Variants in PCDHA6 observed in about 807,000 individuals in gnomAD.
PCDHA6 encodes the protein protocadherin alpha 6.
PCDHA6 carries 55 observed loss-of-function variants against 60.3 expected under a neutral mutation model. That is an observed-to-expected ratio of 0.91 (90% confidence interval 0.73 to 1.14). The LOEUF (loss-of-function observed/expected upper bound fraction) is 1.14. Ranked by LOEUF, PCDHA6 falls within the 50% of genes most tolerant of loss-of-function variation. The pLI is 0.00. For missense variants in PCDHA6, 1,327 were observed against 1,256.5 expected, an observed-to-expected ratio of 1.06 and a Z score of -0.85; for synonymous variants, 652 against 557.9, an observed-to-expected ratio of 1.17 and a Z score of -2.38.
chr5:140,869,476 G>C (rs530490517), intron 1 of PCDHA6: 71 of 1,614,076 alleles, frequency 4.4e-5, no homozygotes, highest in Non-Finnish European at 5.9e-5. Context: ...GGAGGTGAAG[G>C]ACATTAACGA....
At chr5:140,852,794 G>A (rs2042475674) in intron 1 of PCDHA6, 1 of 976,830 alleles carries the variant, frequency 1.0e-6, no homozygotes, top group South Asian at 4.8e-5. Flanking sequence ...GGATGCTACA[G>A]ATGTCATTTG....
At chr5:140,884,205 G>T (rs1554181325) in intron 1 of PCDHA6, 3 of 1,613,490 alleles carry the variant, frequency 1.9e-6, no homozygotes, top group East Asian at 4.5e-5. Context: ...CCGCACCACC[G>T]CCTTCTGGTG....
rs2150382245 is a variant in PCDHA6, at chr5:140,845,891, G to A, written c.2394+15406G>A. On this transcript the variant is annotated intron_variant, in intron 1 of 3. Coordinates refer to ENST00000529310, the MANE Select transcript of PCDHA6 (RefSeq NM_018909.4). ...AGGCAACCTAAAATGTCAGAAAGTC[G>A]TTATGGCCTTCCATATTAATCTTAT... 6.7e-5 allele frequency among the ~76,000 whole-genome samples: 10 copies of A among 149,728 alleles called. 1 individual carries two copies. Among genetic ancestry groups the A allele is most frequent in the East Asian group, 3.9e-4 (2 of 5,176 alleles).
rs781889029 is a variant in PCDHA6 at position 140,870,331 on chromosome 5, AGCGCCCTGGACC to A, written c.2394+39850_2394+39861del. The A allele has an allele frequency of 4.3e-6, 7 of 1,614,160 alleles. No homozygotes were observed. The South Asian group carries it at 7.7e-5, about 18-fold the overall frequency. Reference sequence around the variant, plus strand: ...GAATTACTACTCGTTGGTGCTGGACAGCGCCCTGGACCGCGAGAACGTGTGGGCCTATGAACT... The same window carrying A: ...GAATTACTACTCGTTGGTGCTGGACAGCGAGAACGTGTGGGCCTATGAACT... On this transcript the variant is annotated intron_variant, in intron 1 of 3. Coordinates refer to ENST00000529310, the MANE Select transcript of PCDHA6 (RefSeq NM_018909.4).
chr5:140,863,443 C>A (rs1389927128), intron 1 of PCDHA6: 2 of 591,510 alleles, frequency 3.4e-6, no homozygotes, highest in Non-Finnish European at 3.2e-6. Flanking sequence ...TGGTCTTACT[C>A]GCAGCAAAGG....
At chr5:141,005,967 A>ACAATTC (rs1554260442) in intron 3 of PCDHA6, among the ~76,000 whole-genome samples, 1 of 152,062 alleles carries the variant, frequency 6.6e-6, no homozygotes, top group Non-Finnish European at 1.5e-5. Flanking sequence ...CAATAAAAAA[A>ACAATTC]CAATTCCAAA....
chr5:140,851,095 T>C, intron 1 of PCDHA6: 1 of 1,289,772 alleles, frequency 7.8e-7, no homozygotes, highest in East Asian at 2.7e-5. Context: ...TAAATAGATA[T>C]TTTTTGGGTG....
At chr5:140,873,454 T>C (rs1251903132) in intron 1 of PCDHA6, among the ~76,000 whole-genome samples, 1 of 152,170 alleles carries the variant, frequency 6.6e-6, no homozygotes, top group African/African-American at 2.4e-5. Context: ...CAAATTTGCA[T>C]TTTAGATAAT....
At chr5:140,880,812 G>C (rs782505360) in intron 1 of PCDHA6, among the ~76,000 whole-genome samples, 2 of 152,200 alleles carry the variant, frequency 1.3e-5, no homozygotes, top group Non-Finnish European at 2.9e-5. Flanking sequence ...AATGACTCTA[G>C]AGTGTCTGGA....
intron 3 of PCDHA6, among the ~76,000 whole-genome samples, chr5:140,989,611 A>G (rs2097350612): frequency 6.6e-6 from 1 of 152,232 alleles, no homozygotes. Flanking sequence ...ACTAAAAATG[A>G]AAGTCTGTCC....
chr5:140,938,245 C>T (rs1008412260), intron 1 of PCDHA6, among the ~76,000 whole-genome samples: 1 of 152,168 alleles, frequency 6.6e-6, no homozygotes, highest in South Asian at 2.1e-4. Context: ...CATGCCTGGT[C>T]TTTTAAAAAC....
At chr5:140,872,957 C>T (rs2054004795) in intron 1 of PCDHA6, among the ~76,000 whole-genome samples, 1 of 152,138 alleles carries the variant, frequency 6.6e-6, no homozygotes, top group African/African-American at 2.4e-5. Flanking sequence ...CACGTAGTAT[C>T]ATCCCATCTG....
intron 1 of PCDHA6, among the ~76,000 whole-genome samples, chr5:140,914,691 T>G (rs1300550753): frequency 6.6e-6 from 1 of 152,130 alleles, no homozygotes; most frequent in Non-Finnish European, 1.5e-5. Flanking sequence ...TTTTCTCTGG[T>G]GGTATGATTT....
intron 1 of PCDHA6, chr5:140,967,137 T>C: frequency 1.2e-6 from 2 of 1,611,728 alleles, no homozygotes; most frequent in Non-Finnish European, 1.7e-6. Context: ...TTGGAAGTGC[T>C]GGCGCACAAC....
intron 1 of PCDHA6, chr5:140,842,909 C>T: frequency 6.3e-7 from 1 of 1,594,530 alleles, no homozygotes; most frequent in Non-Finnish European, 8.6e-7. Flanking sequence ...GGAGCTAGAG[C>T]TGCTGCAGTT....
Position 140,828,662 on chromosome 5 carries a change from C to G in PCDHA6, c.571C>G (p.Gln191Glu). 6 of 1,614,124 alleles carry G rather than the reference C, an allele frequency of 3.7e-6. No homozygotes were observed. The highest frequency in any genetic ancestry group is 5.1e-6 in the Non-Finnish European group (6 of 1,180,020). Residue 191 changes from glutamine (Q) to glutamate (E), a missense_variant, in exon 1 of 4, where the codon CAA becomes GAA. Transcript: ENST00000529310. ...DVKINSDDNKQIGLLLKKSLD... is the reference protein window; with the variant it reads ...DVKINSDDNKEIGLLLKKSLD... ...GAAAATAAACAGTGATGACAATAAA[C>G]AAATTGGGCTCTTATTAAAGAAATC...
Position 141,009,965 on chromosome 5 carries a change from G to A in PCDHA6, c.*28G>A, listed in dbSNP as rs782001097. On this transcript the variant is annotated 3_prime_UTR_variant, in exon 4 of 4. Coordinates refer to ENST00000529310, the MANE Select transcript of PCDHA6 (RefSeq NM_018909.4). ...TCCTCAAATGGAAACAAGCCACTTA[G>A]CCAGTTTTTGTAATAATGGCAAATC... is the stretch of plus-strand genomic sequence containing the variant. 1.6e-5 allele frequency: 26 copies of A among 1,587,906 alleles called. No individual in the cohort carries two copies. Among genetic ancestry groups the A allele is most frequent in the Non-Finnish European group, 2.6e-6 (3 of 1,170,436 alleles).
intron 1 of PCDHA6, chr5:140,848,382 ACTCT>A (rs1581148542): frequency 1.7e-6 from 2 of 1,188,866 alleles, no homozygotes; most frequent in Non-Finnish European, 2.4e-6. Flanking sequence ...ATTCTTTTTC[ACTCT>A]CTCTGTGCTG....
intron 1 of PCDHA6, among the ~76,000 whole-genome samples, chr5:140,890,853 C>T (rs1202284942): frequency 1.3e-5 from 2 of 152,058 alleles, no homozygotes; most frequent in Non-Finnish European, 2.9e-5. Flanking sequence ...GTTTCTCTTC[C>T]TTACTTCTTG....
Sources: gnomAD v4.1 joint callset for allele counts (sites outside exome capture counted in the v4.1 genomes callset) on GRCh38, gnomAD v4.1.1 for gene constraint, MANE v1.5 for transcripts, NCBI Gene and HGNC (gene_info 2026-07-23, HGNC 2026-07-21) for gene names.